The following AMMECR1 variants were observed in gnomAD, a reference collection of about 807,000 sequenced individuals.
AMMECR1 encodes the protein nuclear protein AMMECR1.
Under a neutral mutation model 22.5 loss-of-function variants are expected in AMMECR1, and 3 were observed. The ratio of observed to expected loss-of-function variants is 0.13; its 90% CI spans 0.06 to 0.35. AMMECR1 has a LOEUF of 0.35. Ranked by LOEUF, AMMECR1 falls within the 10% of genes least tolerant of loss-of-function variation. AMMECR1 has a pLI of 1.00. For synonymous variants in AMMECR1, 130 were observed against 116.7 expected (o/e 1.11, Z -0.74); for missense variants, 235 against 278.7 (o/e 0.84, Z 1.12).
Position 110,346,986 on chromosome X carries a change from T to A in AMMECR1, c.-147-29137A>T, listed in dbSNP as rs373365015. 1.1e-4 allele frequency: 52 copies of A among 493,794 alleles called. No homozygotes were observed. In the East Asian group the frequency reaches 1.9e-3, roughly 18 times the overall value. 40.7% of individuals were successfully genotyped at this position (493,794 alleles called of 1,213,427 possible). A position where few individuals can be genotyped will look rare whatever the true frequency, so the allele number is the denominator to read the frequency against. ...GGTCGGCGGGGCCGCTAAATATCATTTTTAAGATGCTATTAGAAGGGCTCA... is the reference window on the plus strand; with the variant it reads ...GGTCGGCGGGGCCGCTAAATATCATATTTAAGATGCTATTAGAAGGGCTCA... On this transcript the variant is annotated intron_variant, in intron 2 of 7. Transcript: ENST00000372057.
At chrX:110,382,799 GTTAA>G (rs942938942) in intron 2 of AMMECR1, among the ~76,000 whole-genome samples, 2 of 112,089 alleles carry the variant, frequency 1.8e-5, no homozygotes, top group African/African-American at 6.5e-5. Context: ...GGGCCACTGT[GTTAA>G]TTAAATTCCA....
At chrX:110,264,464 A>G in intron 2 of AMMECR1, 25 bp downstream of exon 2, 1 of 939,240 alleles carries the variant, frequency 1.1e-6, no homozygotes, top group Non-Finnish European at 1.5e-6. Flanking sequence ...ATGTAAAAGC[A>G]GAGGTAACAA....
chrX:110,230,748 T>C (rs2067560659), intron 2 of AMMECR1, among the ~76,000 whole-genome samples: 1 of 111,598 alleles, frequency 9.0e-6, no homozygotes, highest in Non-Finnish European at 1.9e-5. Flanking sequence ...TGAAGGAGGA[T>C]GTTCAAACTC....
chrX:110,363,251 C>A (rs2068276017), intron 2 of AMMECR1, among the ~76,000 whole-genome samples: 1 of 111,613 alleles, frequency 9.0e-6, no homozygotes. Context: ...GTAGACACAG[C>A]ACTGTGAATT....
intron 2 of AMMECR1, among the ~76,000 whole-genome samples, chrX:110,359,910 T>A (rs1321276484): frequency 8.9e-6 from 1 of 112,003 alleles, no homozygotes; most frequent in Non-Finnish European, 1.9e-5. Context: ...TACTTAGAAC[T>A]TAGAGAAGAG....
At chrX:110,199,426 C>G (rs1375927607) in intron 5 of AMMECR1, among the ~76,000 whole-genome samples, 1 of 110,976 alleles carries the variant, frequency 9.0e-6, no homozygotes. Context: ...ACTGTCCCCC[C>G]ACAGTGAACC....
intron 1 of AMMECR1, among the ~76,000 whole-genome samples, chrX:110,300,175 A>G (rs781190764): frequency 8.9e-6 from 1 of 112,167 alleles, no homozygotes; most frequent in Non-Finnish European, 1.9e-5. Context: ...TTTTGTCCAT[A>G]TCCTTGCCAA....
chrX:110,242,546 G>A lies in AMMECR1; in HGVS notation c.584+21943C>T, dbSNP rs1247479859. ...TGGGTTAATCATATTTGTCATCTCT[G>A]TATCATCAGTGTTAATCAGGAGGAA... On this transcript the variant is annotated intron_variant, in intron 2 of 5. Transcript: ENST00000262844. 3.6e-5 allele frequency among the ~76,000 whole-genome samples: 4 copies of A among 111,789 alleles called. No individual in the cohort carries two copies. The Admixed American group carries it at 3.8e-4, about 11-fold the overall frequency.
chrX:110,252,111 AATT>A (rs2067689054), intron 2 of AMMECR1, among the ~76,000 whole-genome samples: 1 of 111,247 alleles, frequency 9.0e-6, no homozygotes. Context: ...ACCAGTTTAG[AATT>A]ATACCCATTT....
chrX:110,360,789 G>T (rs2068257968), intron 2 of AMMECR1, among the ~76,000 whole-genome samples: 1 of 111,097 alleles, frequency 9.0e-6, no homozygotes, highest in Non-Finnish European at 1.9e-5. Context: ...GACAAGGTGA[G>T]ATCCTGGACT....
At chrX:110,333,505 T>C (rs1347970630) in intron 2 of AMMECR1, among the ~76,000 whole-genome samples, 2 of 110,979 alleles carry the variant, frequency 1.8e-5, no homozygotes, top group Non-Finnish European at 3.8e-5. Context: ...ATTATAAATC[T>C]ATAAAGACAC....
chrX:110,405,190 T>A (rs763216932), intron 2 of AMMECR1, among the ~76,000 whole-genome samples: 1 of 109,927 alleles, frequency 9.1e-6, no homozygotes, highest in East Asian at 2.9e-4. Context: ...TCATTCTTTT[T>A]AAAAAGGTCA....
intron 2 of AMMECR1, among the ~76,000 whole-genome samples, chrX:110,238,984 A>C (rs2067616242): frequency 8.9e-6 from 1 of 112,102 alleles, no homozygotes. Context: ...AAACTAACAA[A>C]CAGAAAGGAA....
chrX:110,326,243 C>T (rs982800044), intron 2 of AMMECR1, among the ~76,000 whole-genome samples: 5 of 112,001 alleles, frequency 4.5e-5, no homozygotes, highest in African/African-American at 6.5e-5. Flanking sequence ...CCACCCACCT[C>T]GGTCTCCTAA....
chrX:110,363,459 G>A (rs6567857), intron 2 of AMMECR1, among the ~76,000 whole-genome samples: 7,663 of 111,619 alleles, frequency 0.069, 364 homozygotes, highest in African/African-American at 0.17. Context: ...ACCTCCCTAT[G>A]TGTCATTAAG....
chrX:110,318,357 G>C (rs1012958271), upstream of AMMECR1: 1 of 111,623 alleles, frequency 9.0e-6, no homozygotes, highest in African/African-American at 3.3e-5. Flanking sequence ...CAATCTCTCC[G>C]GCCGGCAGAG....
At position 110,317,656 on chromosome X, in the gene AMMECR1, T is replaced by G. The variant is rs1254176229; in HGVS notation, c.416A>C (p.Tyr139Ser). The G allele has an allele frequency of 1.7e-6, 2 of 1,208,609 alleles. No homozygotes were observed. Among genetic ancestry groups the G allele is most frequent in the Admixed American group, 4.4e-5 (2 of 45,892 alleles). The change falls in exon 1 of 6, where the codon TAC becomes TCC. Residue 139 changes from tyrosine (Y) to serine (S), a missense_variant. By Grantham distance (144) the Tyr-to-Ser change is moderately radical (BLOSUM62 -2). Around this residue, in one of 2 missense-constraint regions of AMMECR1, gnomAD observed 111 missense variants for 181.7 expected, o/e 0.61. Transcript: ENST00000262844. The part of the protein sequence containing the change: ...EMCCFCFDVL[Y>S]CHLYGYQQPR... ...CTGCTGGTATCCATACAGGTGACAG[T>G]AGAGCACATCGAAGCAAAAGCAGCA...
intron 2 of AMMECR1, among the ~76,000 whole-genome samples, chrX:110,244,236 T>G (rs1471446721): frequency 8.9e-6 from 1 of 111,939 alleles, no homozygotes; most frequent in Non-Finnish European, 1.9e-5. Flanking sequence ...TTTGGAATAT[T>G]TAAGATTAGC....
At chrX:110,350,807 A>G (rs1013747502) in intron 2 of AMMECR1, among the ~76,000 whole-genome samples, 2 of 109,677 alleles carry the variant, frequency 1.8e-5, no homozygotes, top group Non-Finnish European at 1.9e-5. Flanking sequence ...GTCTCTACAA[A>G]TAATAATAAA....
Sources: gnomAD v4.1 joint callset for allele counts (sites outside exome capture counted in the v4.1 genomes callset) on GRCh38, gnomAD v4.1.1 for gene constraint, gnomAD v4.1.1 regional missense constraint, MANE v1.5 for transcripts, NCBI Gene and HGNC (gene_info 2026-07-23, HGNC 2026-07-21) for gene names.